SIK3: variants seen among roughly 807,000 people sequenced by gnomAD.
SIK3 encodes SIK family kinase 3.
SIK3 carries 28 observed loss-of-function variants against 144.2 expected under a neutral mutation model. The observed-to-expected ratio is 0.19, with a 90% CI of 0.14 to 0.27. SIK3 has a LOEUF of 0.27. SIK3 is among the 10% of genes least tolerant of loss of function. SIK3 has a pLI of 1.00. For missense variants in SIK3, 1,319 were observed against 1,776.0 expected, an observed-to-expected ratio of 0.74 and a Z score of 4.62; for synonymous variants, 686 against 676.3, an observed-to-expected ratio of 1.01 and a Z score of -0.22.
chr11:117,081,309 T>C (rs762768446), intron 1 of SIK3, among the ~76,000 whole-genome samples: 18 of 152,168 alleles, frequency 1.2e-4, no homozygotes, highest in African/African-American at 2.7e-4. Flanking sequence ...GGCAAATACA[T>C]AGACAGATGT....
intron 1 of SIK3, among the ~76,000 whole-genome samples, chr11:117,072,119 G>A (rs2136005212): frequency 6.6e-6 from 1 of 152,254 alleles, no homozygotes; most frequent in South Asian, 2.1e-4. Context: ...CAGGCGTGGT[G>A]GCTCACACCT....
intron 1 of SIK3, among the ~76,000 whole-genome samples, chr11:117,035,124 T>A (rs930506398): frequency 6.6e-6 from 1 of 152,166 alleles, no homozygotes; most frequent in Non-Finnish European, 1.5e-5. Context: ...AATGCTTTTT[T>A]CAAACAATAG....
chr11:117,025,681 C>A (rs1217039407), intron 1 of SIK3, among the ~76,000 whole-genome samples: 1 of 152,134 alleles, frequency 6.6e-6, no homozygotes, highest in African/African-American at 2.4e-5. Context: ...ATCCACCTGT[C>A]TCAGCCTCCC....
At chr11:116,936,641 T>A (rs989682551) in intron 3 of SIK3, among the ~76,000 whole-genome samples, 4 of 152,242 alleles carry the variant, frequency 2.6e-5, no homozygotes, top group Non-Finnish European at 5.9e-5. Flanking sequence ...AATTTTCGAC[T>A]TACATTTAAA....
At position 116,849,371 on chromosome 11, in the gene SIK3, A is replaced by G; in HGVS notation, c.3656-88T>C. ...ATCCAAGAAATGTCTTGCAAGGGAC[A>G]ATGGGCAAGGCTGAGGAGATCATGT... is the stretch of plus-strand genomic sequence containing the variant. On this transcript the variant is annotated intron_variant, in intron 21 of 24. Transcript: ENST00000445177. The surrounding 1 kb of genome is among the most constrained non-coding windows in gnomAD (Gnocchi z 4.2). 6.6e-7 allele frequency: 1 copy of G among 1,519,766 alleles called. No individual in the cohort carries two copies. Among genetic ancestry groups the G allele is most frequent in the Non-Finnish European group, 9.0e-7 (1 of 1,108,164 alleles). 94.1% of individuals were successfully genotyped at this position (1,519,766 alleles called of 1,614,324 possible).
chr11:116,849,196 C>T lies in SIK3; in HGVS notation c.3743G>A (p.Arg1248His), dbSNP rs780688517. ...PDHNGLGYPA[R>H]PSVHEHHRPR... ...CCTGTGGTGCTCATGGACGGAGGGG[C>T]GTGCTGGGTACCCGAGCCCATTGTG... The change falls in exon 22 of 25, where the codon CGC becomes CAC. Residue 1248 changes from arginine (R) to histidine (H), a missense_variant. Arg to His is a conservative substitution (Grantham distance 29). Coordinates refer to ENST00000445177, the MANE Select transcript of SIK3 (RefSeq NM_001366686.3). The surrounding 1 kb of genome is among the most constrained non-coding windows in gnomAD (Gnocchi z 4.2). 1.4e-5 allele frequency: 23 copies of T among 1,614,020 alleles called. No individual in the cohort carries two copies. The Middle Eastern group carries it at 6.6e-4, about 46-fold the overall frequency.
intron 6 of SIK3, among the ~76,000 whole-genome samples, chr11:116,885,212 A>G (rs1225864275): frequency 6.6e-6 from 1 of 152,216 alleles, no homozygotes; most frequent in Non-Finnish European, 1.5e-5. Flanking sequence ...ACACTTTCGC[A>G]AAGAGATGGA....
intron 1 of SIK3, among the ~76,000 whole-genome samples, chr11:117,017,979 C>G (rs1046022942): frequency 1.3e-5 from 2 of 152,066 alleles, no homozygotes; most frequent in African/African-American, 4.8e-5. Context: ...CATGAAAATA[C>G]GAACACTTCA....
chr11:117,002,740 C>T (rs1950899896), intron 1 of SIK3, among the ~76,000 whole-genome samples: 1 of 152,188 alleles, frequency 6.6e-6, no homozygotes, highest in African/African-American at 2.4e-5. Context: ...TTGTCACTAG[C>T]AGTTCTTTTA....
intron 4 of SIK3, among the ~76,000 whole-genome samples, chr11:116,918,952 G>A (rs1946814185): frequency 6.6e-6 from 1 of 152,116 alleles, no homozygotes; most frequent in African/African-American, 2.4e-5. Flanking sequence ...CCATTTCAGG[G>A]CAAGAACACA....
At chr11:116,885,768 A>C (rs1271460186) in intron 6 of SIK3, among the ~76,000 whole-genome samples, 1 of 152,240 alleles carries the variant, frequency 6.6e-6, no homozygotes, top group Non-Finnish European at 1.5e-5. Flanking sequence ...TGGTCTCTGA[A>C]GCCAGACTGC....
At chr11:117,084,779 G>C (rs1954934605) in intron 1 of SIK3, among the ~76,000 whole-genome samples, 1 of 152,090 alleles carries the variant, frequency 6.6e-6, no homozygotes, top group South Asian at 2.1e-4. Flanking sequence ...ATAAAAGACT[G>C]GGAAGGAGTC....
chr11:116,846,386 CTG>C lies in SIK3; in HGVS notation c.*8_*9del. On this transcript the variant is annotated 3_prime_UTR_variant, in exon 24 of 25. Transcript: ENST00000445177. This position sits in a 1 kb window ranked among gnomAD's most constrained non-coding sequence, Gnocchi z 4.1. ...CTCTGGCCAGGGTGACACTCACTCT[CTG>C]TTTCTTGTTACACGCCTGCCTGCTC... is the stretch of plus-strand genomic sequence containing the variant. The C allele has an allele frequency of 6.2e-7, 1 of 1,613,714 alleles. No individual in the cohort carries two copies. The highest frequency in any genetic ancestry group is 8.5e-7 in the Non-Finnish European group (1 of 1,179,882).
intron 1 of SIK3, among the ~76,000 whole-genome samples, chr11:116,958,079 G>A (rs779649466): frequency 9.9e-5 from 15 of 152,142 alleles, no homozygotes; most frequent in Non-Finnish European, 1.8e-4. Flanking sequence ...AATCAGTATG[G>A]AAGCAATACT....
Position 116,859,324 on chromosome 11 carries a change from G to A in SIK3, c.2706C>T (p.Leu902=), listed in dbSNP as rs2134404331. 1 of 1,613,964 alleles carries A rather than the reference G, an allele frequency of 6.2e-7. No individual in the cohort carries two copies. The highest frequency in any genetic ancestry group is 8.5e-7 in the Non-Finnish European group (1 of 1,179,934). ...MQHRTNLMAT[L]SYGHRPLSKQ... Reference sequence around the variant, plus strand: ...TGGACAAGGGACGGTGCCCATAGCTGAGGGTGGCCATCAGGTTGGTACGGT... The same window carrying A: ...TGGACAAGGGACGGTGCCCATAGCTAAGGGTGGCCATCAGGTTGGTACGGT... The change falls in exon 20 of 25, where the codon CTC becomes CTT. Residue 902 remains leucine, a synonymous_variant. Coordinates refer to ENST00000445177, the MANE Select transcript of SIK3 (RefSeq NM_001366686.3).
At chr11:117,088,646 T>C (rs1955118504) in intron 1 of SIK3, among the ~76,000 whole-genome samples, 2 of 152,170 alleles carry the variant, frequency 1.3e-5, no homozygotes, top group African/African-American at 2.4e-5. Flanking sequence ...GCCATCCTAA[T>C]GAGCAGTATA....
rs1288838436 is a variant in SIK3 at position 116,859,350 on chromosome 11, G to GCTGCAT, written c.2674_2679dup (p.Met892_Gln893dup). 1 of 1,614,172 alleles carries GCTGCAT rather than the reference G, an allele frequency of 6.2e-7. No individual in the cohort carries two copies. ...AGGGTGGCCATCAGGTTGGTACGGT[G>GCTGCAT]CTGCATCTGCATCTGACCAGCACTG... On this transcript the variant is annotated inframe_insertion, in exon 20 of 25. Transcript: ENST00000445177.
intron 1 of SIK3, among the ~76,000 whole-genome samples, chr11:117,032,881 G>T (rs1952324136): frequency 6.6e-6 from 1 of 151,838 alleles, no homozygotes; most frequent in Admixed American, 6.6e-5. Context: ...CCGTTTATCA[G>T]CAGTATAAAA....
intron 1 of SIK3, among the ~76,000 whole-genome samples, chr11:117,015,372 G>T (rs1201743826): frequency 6.6e-6 from 1 of 152,020 alleles, no homozygotes; most frequent in African/African-American, 2.4e-5. Flanking sequence ...TATACTGCTG[G>T]TGAGTACCTT....
Sources: allele counts gnomAD v4.1 joint callset (sites outside exome capture counted in the v4.1 genomes callset), GRCh38; gene constraint gnomAD v4.1.1; non-coding constraint Gnocchi (gnomAD v3.1); transcripts MANE v1.5; gene names NCBI Gene and HGNC (gene_info 2026-07-23, HGNC 2026-07-21).